CSMD2: variants seen among roughly 807,000 people sequenced by gnomAD.
CSMD2 encodes CUB and sushi domain-containing protein 2.
In CSMD2, 130 loss-of-function variants were observed where a neutral mutation model predicts 398.5. That is an observed-to-expected ratio of 0.33 (90% CI 0.28 to 0.38). The LOEUF (loss-of-function observed/expected upper bound fraction) is 0.38. Ranked by LOEUF, CSMD2 falls within the 10% of genes least tolerant of loss-of-function variation. The pLI is 1.00. For missense variants in CSMD2, 3,829 were observed against 4,764.9 expected (o/e 0.80, Z 5.78); for synonymous variants, 1,828 against 1,908.5 (o/e 0.96, Z 1.10).
At chr1:33,660,019 C>A (rs1323992065) in intron 26 of CSMD2, among the ~76,000 whole-genome samples, 1 of 152,234 alleles carries the variant, frequency 6.6e-6, no homozygotes, top group Non-Finnish European at 1.5e-5. Flanking sequence ...TTATAGGGCA[C>A]TGTACACATG....
At chr1:33,991,745 C>T (rs1341629161) in intron 3 of CSMD2, among the ~76,000 whole-genome samples, 1 of 152,126 alleles carries the variant, frequency 6.6e-6, no homozygotes, top group Non-Finnish European at 1.5e-5. Context: ...AGCTATCTGT[C>T]TCTGACTCAA....
intron 5 of CSMD2, among the ~76,000 whole-genome samples, chr1:33,889,371 G>C (rs965981646): frequency 6.6e-6 from 1 of 152,082 alleles, no homozygotes; most frequent in Non-Finnish European, 1.5e-5. Flanking sequence ...CACTGAGATG[G>C]ATAAAAACAA....
intron 3 of CSMD2, among the ~76,000 whole-genome samples, chr1:34,014,884 G>C (rs1647868499): frequency 6.6e-6 from 1 of 152,222 alleles, no homozygotes; most frequent in Admixed American, 6.5e-5. Flanking sequence ...GATACTCTCT[G>C]TACCAAGAAG....
At chr1:34,003,008 G>A (rs1646947370) in intron 3 of CSMD2, among the ~76,000 whole-genome samples, 1 of 152,162 alleles carries the variant, frequency 6.6e-6, no homozygotes, top group Non-Finnish European at 1.5e-5. Flanking sequence ...CTCCCTCATT[G>A]GATAGCAACC....
At chr1:33,573,720 G>C (rs1328406047) in intron 49 of CSMD2, among the ~76,000 whole-genome samples, 1 of 152,122 alleles carries the variant, frequency 6.6e-6, no homozygotes, top group African/African-American at 2.4e-5. Flanking sequence ...TCCAAAAAGA[G>C]AGAACACAAA....
intron 3 of CSMD2, among the ~76,000 whole-genome samples, chr1:33,950,515 GTGTGGGTA>G (rs1183177938): frequency 6.6e-6 from 1 of 151,700 alleles, no homozygotes; most frequent in Non-Finnish European, 1.5e-5. Context: ...ACTATGAAAT[GTGTGGGTA>G]TGTGGGTATG....
intron 37 of CSMD2, among the ~76,000 whole-genome samples, chr1:33,618,129 C>CT (rs1367981324): frequency 3.3e-5 from 5 of 152,186 alleles, no homozygotes; most frequent in Admixed American, 6.5e-5. Flanking sequence ...TTCCAAGACT[C>CT]TGAGAAAAGT....
At chr1:33,554,962 TG>T (rs1262348874) in intron 55 of CSMD2, among the ~76,000 whole-genome samples, 1 of 152,202 alleles carries the variant, frequency 6.6e-6, no homozygotes, top group Non-Finnish European at 1.5e-5. Flanking sequence ...GAAATAATTT[TG>T]ACTTTCAAGT....
chr1:33,572,376 A>G (rs998303388), intron 50 of CSMD2, 130 bp downstream of exon 50: 11 of 828,444 alleles, frequency 1.3e-5, no homozygotes, highest in Non-Finnish European at 1.8e-5. Context: ...GAAATCCTCC[A>G]ACCTCCATGT....
intron 1 of CSMD2, among the ~76,000 whole-genome samples, chr1:34,117,031 A>G (rs1065965): frequency 0.39 from 59,356 of 151,780 alleles, 12,246 homozygotes; most frequent in East Asian, 0.69. Flanking sequence ...TTGCACATGC[A>G]TTAAAAAAAA....
chr1:33,796,322 G>A (rs926468895), intron 10 of CSMD2, among the ~76,000 whole-genome samples: 3 of 152,228 alleles, frequency 2.0e-5, no homozygotes, highest in Admixed American at 6.5e-5. Flanking sequence ...GACACTGAAT[G>A]GAGGGACCAG....
At chr1:34,144,633 A>G (rs1240661748) in intron 1 of CSMD2, among the ~76,000 whole-genome samples, 1 of 152,184 alleles carries the variant, frequency 6.6e-6, no homozygotes, top group African/African-American at 2.4e-5. Flanking sequence ...TCTTCCAATC[A>G]GCGTTATCGG....
At position 33,569,424 on chromosome 1, in the gene CSMD2, C is replaced by G; in HGVS notation, c.8081G>C (p.Arg2694Pro). The G allele has an allele frequency of 6.2e-7, 1 of 1,614,154 alleles. No individual in the cohort carries two copies. The highest frequency in any genetic ancestry group is 8.5e-7 in the Non-Finnish European group (1 of 1,180,022). Residue 2694 changes from arginine (R) to proline (P), a missense_variant, in exon 52 of 71, where the codon CGT becomes CCT. Around this residue, in one of 5 missense-constraint regions of CSMD2, gnomAD observed 723 missense variants for 758.6 expected, o/e 0.95. Transcript: ENST00000373381. ...CCAGAGCCCATTGGCCATGCACTCA[C>G]GCACCCTGGAGCCCACCAGTGTGTA... ...SGYTLVGSRV[R>P]ECMANGLWSG... is the part of the protein sequence containing the mutation.
chr1:33,623,594 G>A (rs1028121176), intron 35 of CSMD2, 128 bp from the exon 36 acceptor site: 99 of 660,018 alleles, frequency 1.5e-4, no homozygotes, highest in Non-Finnish European at 2.3e-4. Flanking sequence ...CTAACACTGT[G>A]CTAGTCCCTT....
chr1:34,127,703 C>T (rs1662886947), intron 1 of CSMD2, among the ~76,000 whole-genome samples: 6 of 152,116 alleles, frequency 3.9e-5, no homozygotes, highest in Admixed American at 3.9e-4. Context: ...TTAAGGGGTG[C>T]TGGGCGTAGG....
intron 25 of CSMD2, among the ~76,000 whole-genome samples, chr1:33,679,358 C>T (rs1644827752): frequency 6.6e-6 from 1 of 152,074 alleles, no homozygotes. Context: ...CATGCCACCA[C>T]ATCCAGCTAA....
chr1:34,049,176 A>G (rs1469351790), intron 2 of CSMD2, among the ~76,000 whole-genome samples: 4 of 152,086 alleles, frequency 2.6e-5, no homozygotes, highest in African/African-American at 9.7e-5. Flanking sequence ...TTACATCCAA[A>G]CCATCGATAT....
Position 33,866,243 on chromosome 1 carries a change from T to C in CSMD2, c.921-19247A>G, listed in dbSNP as rs573129765. Among the ~76,000 whole-genome samples the C allele has an allele frequency of 7.2e-4, 110 of 152,344 alleles. 2 individuals carry two copies. The South Asian group carries it at 0.02, about 28-fold the overall frequency. The stretch of plus-strand genomic sequence containing the variant: ...GAGGATTTTCATGTGCCAGGCCATT[T>C]GCTGGGTACAGGGAGGCACATTACG... On this transcript the variant is annotated intron_variant, in intron 5 of 70. Coordinates refer to ENST00000373381, the MANE Select transcript of CSMD2 (RefSeq NM_001281956.2).
intron 2 of CSMD2, among the ~76,000 whole-genome samples, chr1:34,039,775 G>A (rs975830174): frequency 1.3e-5 from 2 of 152,152 alleles, no homozygotes; most frequent in Non-Finnish European, 2.9e-5. Flanking sequence ...GGGCACCAGG[G>A]TATGTGGACC....
Sources: allele counts gnomAD v4.1 joint callset (sites outside exome capture counted in the v4.1 genomes callset), GRCh38; gene constraint gnomAD v4.1.1; regional missense constraint gnomAD v4.1.1; transcripts MANE v1.5; gene names NCBI Gene and HGNC (gene_info 2026-07-23, HGNC 2026-07-21).